The following MTDH variants were observed in gnomAD, a reference collection of about 807,000 sequenced individuals.
The protein encoded by MTDH is protein LYRIC.
In MTDH, 34 loss-of-function variants were observed where a neutral mutation model predicts 72.7. The ratio of observed to expected loss-of-function variants is 0.47; its 90% CI spans 0.36 to 0.62. MTDH has a LOEUF of 0.62. MTDH is among the 20% of genes least tolerant of loss of function. The pLI is 0.00. For missense variants in MTDH, 677 were observed against 699.4 expected, an observed-to-expected ratio of 0.97 and a Z score of 0.36; for synonymous variants, 266 against 268.9, an observed-to-expected ratio of 0.99 and a Z score of 0.10.
At position 97,644,417 on chromosome 8, in the gene MTDH, C is replaced by A; in HGVS notation, c.-90C>A. The A allele has an allele frequency of 6.8e-7, 1 of 1,468,936 alleles. No individual in the cohort carries two copies. Among genetic ancestry groups the A allele is most frequent in the South Asian group, 1.3e-5 (1 of 78,228 alleles). The allele number at this position is 1,468,936 out of a possible 1,614,324, so 91.0% of individuals were successfully genotyped here. On this transcript the variant is annotated 5_prime_UTR_variant, in exon 1 of 12. Coordinates refer to ENST00000336273, the MANE Select transcript of MTDH (RefSeq NM_178812.4). Reference sequence around the variant, plus strand: ...CGCGATGCGCTCGGCCTGAGGTTACCCGGCCCGGCCCTTCCTCGCTTCCCT... The same window carrying A: ...CGCGATGCGCTCGGCCTGAGGTTACACGGCCCGGCCCTTCCTCGCTTCCCT...
At chr8:97,689,992 AG>A (rs1234492971) in intron 5 of MTDH, among the ~76,000 whole-genome samples, 13 of 124,356 alleles carry the variant, frequency 1.0e-4, no homozygotes, top group Admixed American at 8.6e-4. Flanking sequence ...TACAGGCATC[AG>A]GCTTTTTTTT....
rs750114457 is a variant in MTDH at position 97,713,787 on chromosome 8, C to G, written c.1380+18C>G. The G allele has an allele frequency of 6.4e-5, 93 of 1,463,392 alleles. No individual in the cohort carries two copies. The highest frequency in any genetic ancestry group is 1.4e-4 in the East Asian group (6 of 42,952). 90.7% of individuals were successfully genotyped at this position (1,463,392 alleles called of 1,614,324 possible). A position where few individuals can be genotyped will look rare whatever the true frequency, so the allele number is the denominator to read the frequency against. On this transcript the variant is annotated intron_variant, in intron 9 of 11. Coordinates refer to ENST00000336273, the MANE Select transcript of MTDH (RefSeq NM_178812.4). ...CTGCACAGGTAAAATGTCAGAACAA[C>G]AAGCATTCATTAAGCGCCTCCGGCT... is the stretch of plus-strand genomic sequence containing the variant.
At chr8:97,646,278 A>T (rs1277240110) in intron 1 of MTDH, among the ~76,000 whole-genome samples, 1 of 152,186 alleles carries the variant, frequency 6.6e-6, no homozygotes, top group East Asian at 1.9e-4. Flanking sequence ...TGATTAAGAG[A>T]TGCAAGATAC....
intron 6 of MTDH, among the ~76,000 whole-genome samples, chr8:97,694,855 G>A (rs1039471895): frequency 1.6e-4 from 25 of 151,890 alleles, no homozygotes; most frequent in African/African-American, 5.3e-4. Flanking sequence ...CCTGGGAAGC[G>A]GAGATTGCAG....
chr8:97,688,524 A>G (rs906603288), intron 4 of MTDH, among the ~76,000 whole-genome samples: 1 of 152,122 alleles, frequency 6.6e-6, no homozygotes, highest in Admixed American at 6.6e-5. Context: ...TTTTTTAAAC[A>G]TTGTGATCAT....
intron 2 of MTDH, among the ~76,000 whole-genome samples, chr8:97,668,527 A>T (rs1231972130): frequency 6.6e-6 from 1 of 152,134 alleles, no homozygotes; most frequent in Non-Finnish European, 1.5e-5. Flanking sequence ...TGGAAAGTTC[A>T]TTGATGCAAT....
intron 2 of MTDH, among the ~76,000 whole-genome samples, chr8:97,672,848 A>C (rs912195417): frequency 1.2e-4 from 19 of 152,188 alleles, no homozygotes; most frequent in Non-Finnish European, 2.6e-4. Context: ...TTTCTTGTAA[A>C]TGTCTTAGGA....
chr8:97,645,560 C>T (rs1467540641), intron 1 of MTDH, among the ~76,000 whole-genome samples: 1 of 152,074 alleles, frequency 6.6e-6, no homozygotes, highest in Non-Finnish European at 1.5e-5. Flanking sequence ...AAGGCGAGTT[C>T]AACGAACGAG....
intron 1 of MTDH, among the ~76,000 whole-genome samples, chr8:97,659,348 GAAGA>G (rs1356499877): frequency 1.3e-5 from 2 of 152,108 alleles, no homozygotes; most frequent in African/African-American, 2.4e-5. Flanking sequence ...AGACAGCATA[GAAGA>G]AAGAAAACCA....
rs971110572 is a variant in MTDH at position 97,726,062 on chromosome 8, A to G, written c.*1392A>G. On this transcript the variant is annotated 3_prime_UTR_variant, in exon 12 of 12. Coordinates refer to ENST00000336273, the MANE Select transcript of MTDH (RefSeq NM_178812.4). ...CCAATGGTACTGATCTATCCATCCA[A>G]TGTTGTCATTATATTTGACTGTGGT... The G allele has an allele frequency of 6.6e-6, 1 of 152,622 alleles. No individual in the cohort carries two copies. The highest frequency in any genetic ancestry group is 1.5e-5 in the Non-Finnish European group (1 of 68,044). The allele number at this position is 152,622 out of a possible 1,614,324, so 9.5% of individuals were successfully genotyped here.
In MTDH at chr8:97,644,702, C is replaced by T. The variant is rs757180006; in HGVS notation, c.196C>T (p.Leu66=). 12 of 1,601,854 alleles carry T rather than the reference C, an allele frequency of 7.5e-6. No homozygotes were observed. Among genetic ancestry groups the T allele is most frequent in the Admixed American group, 6.8e-5 (4 of 59,256 alleles). ...TGALGLLLLF[L]LGYGWAAACA... ...CGCGCTCGGGCTGCTGCTGCTGTTT[C>T]TGCTGGGCTACGGCTGGGCCGCGGC... The change falls in exon 1 of 12, where the codon CTG becomes TTG. Residue 66 remains leucine, a synonymous_variant. Coordinates refer to ENST00000336273, the MANE Select transcript of MTDH (RefSeq NM_178812.4).
At chr8:97,702,984 A>T (rs1045174727) in intron 7 of MTDH, among the ~76,000 whole-genome samples, 3 of 152,264 alleles carry the variant, frequency 2.0e-5, no homozygotes, top group African/African-American at 7.2e-5. Context: ...ATAAGAAATT[A>T]TAATTGAAGC....
chr8:97,722,447 A>C (rs1029204998), intron 10 of MTDH, among the ~76,000 whole-genome samples: 7 of 151,972 alleles, frequency 4.6e-5, no homozygotes, highest in Non-Finnish European at 1.0e-4. Flanking sequence ...TAAAAACACA[A>C]AAAAAATAGC....
chr8:97,681,419 A>T (rs957953533), intron 2 of MTDH, among the ~76,000 whole-genome samples: 4 of 151,352 alleles, frequency 2.6e-5, no homozygotes, highest in South Asian at 2.1e-4. Context: ...TTTTTTTTTT[A>T]AAGTAAGAAT....
intron 1 of MTDH, among the ~76,000 whole-genome samples, chr8:97,645,372 C>T (rs937790542): frequency 6.6e-6 from 1 of 152,174 alleles, no homozygotes; most frequent in Non-Finnish European, 1.5e-5. Context: ...GGGGCTTACA[C>T]AGGATTAAAG....
At chr8:97,664,370 G>A (rs1174733255) in intron 2 of MTDH, among the ~76,000 whole-genome samples, 3 of 151,800 alleles carry the variant, frequency 2.0e-5, no homozygotes, top group Non-Finnish European at 4.4e-5. Context: ...AAAAAAAAAT[G>A]GATGCAGTTT....
chr8:97,660,051 CA>C (rs1812118968), intron 1 of MTDH, among the ~76,000 whole-genome samples: 1 of 152,056 alleles, frequency 6.6e-6, no homozygotes, highest in Non-Finnish European at 1.5e-5. Context: ...CTCAGCTACT[CA>C]GGAGGCTGAG....
chr8:97,682,456 G>A (rs1307760250), intron 2 of MTDH, among the ~76,000 whole-genome samples: 3 of 148,810 alleles, frequency 2.0e-5, no homozygotes, highest in Non-Finnish European at 3.0e-5. Flanking sequence ...CCGCCACCAC[G>A]CCTGGCTAAT....
chr8:97,682,312 T>TTG (rs2130988773), intron 2 of MTDH, among the ~76,000 whole-genome samples: 1 of 90,208 alleles, frequency 1.1e-5, no homozygotes, highest in East Asian at 3.4e-4. Flanking sequence ...TTTTTTTTTT[T>TTG]TTTTGAGATG....
Sources: allele counts gnomAD v4.1 joint callset (sites outside exome capture counted in the v4.1 genomes callset), GRCh38; gene constraint gnomAD v4.1.1; transcripts MANE v1.5; gene names NCBI Gene and HGNC (gene_info 2026-07-23, HGNC 2026-07-21).